Variants in HECTD2 observed in about 807,000 individuals in gnomAD.
HECTD2 encodes the protein HECT domain E3 ubiquitin protein ligase 2.
HECTD2 carries 35 observed loss-of-function variants against 103.2 expected under a neutral mutation model. The ratio of observed to expected loss-of-function variants is 0.34; its 90% CI spans 0.26 to 0.45. The LOEUF (loss-of-function observed/expected upper bound fraction) is 0.45. Among genes scored for constraint, HECTD2 ranks in the 20% least tolerant of loss-of-function variants. The probability of loss-of-function intolerance (pLI) is 1.00; values close to 1 mark genes in which losing one functional copy is unlikely to be tolerated. For missense variants in HECTD2, 596 were observed against 937.4 expected, an observed-to-expected ratio of 0.64 and a Z score of 4.76; for synonymous variants, 281 against 329.9, an observed-to-expected ratio of 0.85 and a Z score of 1.61.
chr10:91,440,749 T>A (rs1361933774), intron 2 of HECTD2, among the ~76,000 whole-genome samples: 1 of 58,528 alleles, frequency 1.7e-5, no homozygotes, highest in African/African-American at 7.1e-5. Flanking sequence ...CTGCCTCCAT[T>A]TCAGAACTTG....
rs537834328 is a variant in HECTD2 at position 91,508,951 on chromosome 10, A to G, written c.2211-3313A>G. 2.6e-5 allele frequency among the ~76,000 whole-genome samples: 4 copies of G among 152,038 alleles called. No individual in the cohort carries two copies. In the East Asian group the frequency reaches 7.7e-4, roughly 29 times the overall value. ...ATGGAATACTATGCAGCCATAAAAAATGATGAGTTCATGTCCTTTGTAGGG... is the reference window on the plus strand; with the variant it reads ...ATGGAATACTATGCAGCCATAAAAAGTGATGAGTTCATGTCCTTTGTAGGG... On this transcript the variant is annotated intron_variant, in intron 20 of 20. Coordinates refer to ENST00000298068, the MANE Select transcript of HECTD2 (RefSeq NM_182765.6).
At chr10:91,417,118 A>C (rs1280975870) in intron 1 of HECTD2, among the ~76,000 whole-genome samples, 1 of 152,180 alleles carries the variant, frequency 6.6e-6, no homozygotes, top group East Asian at 1.9e-4. Flanking sequence ...AAGCTCTGAG[A>C]AGCTTTGATT....
chr10:91,507,212 C>T (rs1271398655), intron 20 of HECTD2, among the ~76,000 whole-genome samples: 1 of 150,792 alleles, frequency 6.6e-6, no homozygotes, highest in African/African-American at 2.4e-5. Flanking sequence ...TGAAAACTGG[C>T]ACAAGACAGG....
intron 2 of HECTD2, 95 bp from the exon 3 acceptor site, chr10:91,460,332 C>G: frequency 1.9e-6 from 2 of 1,063,526 alleles, no homozygotes; most frequent in Non-Finnish European, 2.7e-6. Flanking sequence ...CAAAATAATT[C>G]ATTTGTTTTC....
Position 91,493,339 on chromosome 10 carries a change from G to A in HECTD2, c.1433-81G>A. On this transcript the variant is annotated intron_variant, in intron 13 of 20. Transcript: ENST00000298068. ...TTGAATTGATTAGCTTCTAATAGAT[G>A]AGATGTCATGTACATGTTTACCACT... 4 of 606,976 alleles carry A rather than the reference G, an allele frequency of 6.6e-6. No homozygotes were observed. In the South Asian group the frequency reaches 1.3e-4, roughly 20 times the overall value. The allele number at this position is 606,976 out of a possible 1,614,324, so 37.6% of individuals were successfully genotyped here.
chr10:91,444,495 T>C (rs756550444), intron 2 of HECTD2, among the ~76,000 whole-genome samples: 3 of 152,196 alleles, frequency 2.0e-5, no homozygotes, highest in Admixed American at 6.5e-5. Context: ...CACACTATGT[T>C]AATGGAACTT....
At chr10:91,451,183 A>G (rs746117086) in intron 2 of HECTD2, among the ~76,000 whole-genome samples, 20 of 152,216 alleles carry the variant, frequency 1.3e-4, no homozygotes, top group Non-Finnish European at 2.4e-4. Context: ...ATGTAATACT[A>G]TGCAGCCATA....
chr10:91,432,290 A>C (rs1179732773), intron 2 of HECTD2, among the ~76,000 whole-genome samples: 1 of 151,930 alleles, frequency 6.6e-6, no homozygotes, highest in African/African-American at 2.4e-5. Context: ...ATTCTCTAAC[A>C]GCTTGTTTGC....
intron 5 of HECTD2, 116 bp downstream of exon 5, chr10:91,462,300 T>G: frequency 8.3e-7 from 1 of 1,207,780 alleles, no homozygotes; most frequent in African/African-American, 1.6e-5. Flanking sequence ...TGATACAATT[T>G]TATAGTAAAT....
In HECTD2 at chr10:91,454,677, G is replaced by C. The variant is rs1004072029; in HGVS notation, c.269-5750G>C. On this transcript the variant is annotated intron_variant, in intron 2 of 20. Coordinates refer to ENST00000298068, the MANE Select transcript of HECTD2 (RefSeq NM_182765.6). ...GTTGGTGTGCTGCACCCATTAACTC[G>C]TCATTTACATTAGGTATATCTCCTA... 2.0e-5 allele frequency among the ~76,000 whole-genome samples: 3 copies of C among 151,756 alleles called. No homozygotes were observed. In the South Asian group the frequency reaches 6.3e-4, roughly 32 times the overall value.
At chr10:91,409,855 G>A (rs1343088074), upstream of HECTD2, among the ~76,000 whole-genome samples, 1 of 152,176 alleles carries the variant, frequency 6.6e-6, no homozygotes, top group East Asian at 1.9e-4. Flanking sequence ...CACCAGCCCA[G>A]ACCCCGAGGG....
At chr10:91,483,494 T>C (rs753170472) in intron 8 of HECTD2, among the ~76,000 whole-genome samples, 2 of 151,946 alleles carry the variant, frequency 1.3e-5, no homozygotes, top group Non-Finnish European at 2.9e-5. Context: ...AAAATGTCAT[T>C]GTAAAATATA....
chr10:91,468,875 G>A (rs1161540532), intron 5 of HECTD2, among the ~76,000 whole-genome samples: 1 of 149,056 alleles, frequency 6.7e-6, no homozygotes, highest in African/African-American at 2.5e-5. Flanking sequence ...ATTCAAAACT[G>A]TGGTGAGCTA....
intron 1 of HECTD2, among the ~76,000 whole-genome samples, chr10:91,413,569 A>T (rs1457840546): frequency 5.9e-5 from 9 of 152,220 alleles, no homozygotes; most frequent in Admixed American, 3.9e-4. Context: ...CATCTTTTTT[A>T]AATTTAATTC....
chr10:91,481,505 TC>T (rs1846084255), intron 7 of HECTD2, among the ~76,000 whole-genome samples: 1 of 151,592 alleles, frequency 6.6e-6, no homozygotes. Context: ...TTAACAGGCT[TC>T]AGGATTTTCT....
At position 91,438,339 on chromosome 10, in the gene HECTD2, T is replaced by C. The variant is rs545145067; in HGVS notation, c.268+12929T>C. ...CGAGTGAGAACATGCAGTGTTTGGT[T>C]TTCTATTCCTATGTTAGTTTGCTGA... is the stretch of plus-strand genomic sequence containing the variant. On this transcript the variant is annotated intron_variant, in intron 2 of 20. Transcript: ENST00000298068. 5.9e-5 allele frequency among the ~76,000 whole-genome samples: 9 copies of C among 152,304 alleles called. No individual in the cohort carries two copies. The South Asian group carries it at 1.9e-3, about 32-fold the overall frequency.
intron 16 of HECTD2, among the ~76,000 whole-genome samples, chr10:91,498,662 C>T (rs773802659): frequency 3.3e-5 from 5 of 152,144 alleles, no homozygotes; most frequent in Non-Finnish European, 7.4e-5. Flanking sequence ...CTGTATTAGG[C>T]AGGGTTAAGT....
intron 2 of HECTD2, among the ~76,000 whole-genome samples, chr10:91,444,244 A>C (rs1364036775): frequency 1.3e-5 from 2 of 152,194 alleles, no homozygotes; most frequent in Admixed American, 6.5e-5. Flanking sequence ...CACAGAGCAT[A>C]TATACACAGT....
chr10:91,472,375 T>C lies in HECTD2; in HGVS notation c.601-5826T>C, dbSNP rs529117915. Among the ~76,000 whole-genome samples the C allele has an allele frequency of 1.6e-4, 25 of 152,224 alleles. No homozygotes were observed. In the East Asian group the frequency reaches 2.3e-3, roughly 14 times the overall value. On this transcript the variant is annotated intron_variant, in intron 5 of 20. Coordinates refer to ENST00000298068, the MANE Select transcript of HECTD2 (RefSeq NM_182765.6). ...AGCCTGGAAGATAACCTAGGAAATA[T>C]CATTCTGGACATAGGCCCTAGCAAA...
Sources: allele counts gnomAD v4.1 joint callset (sites outside exome capture counted in the v4.1 genomes callset), GRCh38; gene constraint gnomAD v4.1.1; transcripts MANE v1.5; gene names NCBI Gene and HGNC (gene_info 2026-07-23, HGNC 2026-07-21).